Variants in NLGN1 observed in about 807,000 individuals in gnomAD.
NLGN1 encodes the protein neuroligin-1.
A neutral mutation model predicts 65.5 loss-of-function variants in NLGN1; 12 were observed. The observed-to-expected ratio is 0.18, with a 90% CI of 0.12 to 0.30. The LOEUF is 0.30. Among genes scored for constraint, NLGN1 ranks in the 10% least tolerant of loss-of-function variants. NLGN1 has a pLI of 1.00. For missense variants in NLGN1, 750 were observed against 1,007.1 expected, an observed-to-expected ratio of 0.74 and a Z score of 3.46; for synonymous variants, 350 against 359.5, an observed-to-expected ratio of 0.97 and a Z score of 0.30.
intron 4 of NLGN1, among the ~76,000 whole-genome samples, chr3:174,011,336 G>A (rs1174063908): frequency 6.6e-6 from 1 of 152,026 alleles, no homozygotes; most frequent in Non-Finnish European, 1.5e-5. Context: ...ATTTTATAAT[G>A]TGCCTTCACT....
chr3:173,808,530 G>A (rs1403845547), intron 4 of NLGN1, among the ~76,000 whole-genome samples: 1 of 152,074 alleles, frequency 6.6e-6, no homozygotes, highest in Non-Finnish European at 1.5e-5. Flanking sequence ...ACAATAACCA[G>A]TTTTTAAAAG....
chr3:174,029,041 T>C (rs291942), intron 4 of NLGN1, among the ~76,000 whole-genome samples: 146,158 of 152,312 alleles, frequency 0.96, 70,177 homozygotes, highest in East Asian at 1. Context: ...CATGGAGAAC[T>C]TCTGCTAAGG....
intron 1 of NLGN1, among the ~76,000 whole-genome samples, chr3:173,407,756 A>C (rs2148633978): frequency 6.6e-6 from 1 of 152,334 alleles, no homozygotes; most frequent in South Asian, 2.1e-4. Context: ...CACATACAAC[A>C]CATTGAGAAA....
chr3:173,824,021 G>A (rs79348069), intron 4 of NLGN1, among the ~76,000 whole-genome samples: 4,810 of 152,022 alleles, frequency 0.032, 99 homozygotes, highest in Non-Finnish European at 0.051. Flanking sequence ...GTTTGGAAGA[G>A]TGTTTCTAAG....
intron 4 of NLGN1, among the ~76,000 whole-genome samples, chr3:173,829,380 T>G (rs1722008529): frequency 6.6e-6 from 1 of 152,148 alleles, no homozygotes; most frequent in African/African-American, 2.4e-5. Flanking sequence ...TATGCATGAC[T>G]TTCAGATTTG....
At chr3:173,844,391 T>A (rs1361045406) in intron 4 of NLGN1, among the ~76,000 whole-genome samples, 1 of 152,178 alleles carries the variant, frequency 6.6e-6, no homozygotes, top group East Asian at 1.9e-4. Context: ...TGGTAGAATG[T>A]GTGGGTTTGT....
chr3:173,748,498 T>C (rs1404491967), intron 3 of NLGN1, among the ~76,000 whole-genome samples: 2 of 152,066 alleles, frequency 1.3e-5, no homozygotes, highest in Non-Finnish European at 1.5e-5. Flanking sequence ...GATTTTAAAA[T>C]CTCTGTATAA....
At chr3:174,077,106 A>C (rs1248392008) in intron 4 of NLGN1, among the ~76,000 whole-genome samples, 1 of 152,148 alleles carries the variant, frequency 6.6e-6, no homozygotes, top group South Asian at 2.1e-4. Context: ...TATGTATCTT[A>C]CATGCATATT....
intron 3 of NLGN1, among the ~76,000 whole-genome samples, chr3:173,698,042 AAAAAAC>A (rs1327489757): frequency 6.6e-6 from 1 of 152,106 alleles, no homozygotes; most frequent in African/African-American, 2.4e-5. Flanking sequence ...TGAAAAAAAA[AAAAAAC>A]AAACTTATTT....
intron 3 of NLGN1, among the ~76,000 whole-genome samples, chr3:173,619,641 T>C (rs1361702466): frequency 6.6e-6 from 1 of 152,140 alleles, no homozygotes; most frequent in Non-Finnish European, 1.5e-5. Flanking sequence ...TAAGGAGAAA[T>C]ATGAGGCACA....
At chr3:173,590,564 C>T (rs1443141396) in intron 2 of NLGN1, among the ~76,000 whole-genome samples, 1 of 152,006 alleles carries the variant, frequency 6.6e-6, no homozygotes, top group Non-Finnish European at 1.5e-5. Flanking sequence ...GAGAACAGTA[C>T]CTGGTACATA....
intron 3 of NLGN1, among the ~76,000 whole-genome samples, chr3:173,768,324 T>G (rs1484386910): frequency 6.6e-6 from 1 of 152,158 alleles, no homozygotes; most frequent in East Asian, 1.9e-4. Flanking sequence ...GACTTACTCC[T>G]CAGTTGTCAG....
intron 4 of NLGN1, among the ~76,000 whole-genome samples, chr3:173,929,160 A>G (rs4894637): frequency 0.27 from 40,502 of 152,012 alleles, 5,982 homozygotes; most frequent in African/African-American, 0.38. Flanking sequence ...TGTTCAATAT[A>G]CAAAACTTAC....
intron 4 of NLGN1, among the ~76,000 whole-genome samples, chr3:174,124,734 A>T (rs1218202460): frequency 6.6e-6 from 1 of 150,538 alleles, no homozygotes; most frequent in East Asian, 1.9e-4. Flanking sequence ...ATATGTGTAT[A>T]TACATATATT....
At chr3:174,123,623 C>T (rs1362100987) in intron 4 of NLGN1, among the ~76,000 whole-genome samples, 3 of 152,132 alleles carry the variant, frequency 2.0e-5, no homozygotes, top group Admixed American at 6.6e-5. Context: ...CATATATTCC[C>T]GCTTCCATTA....
At chr3:173,475,141 T>A (rs1269320921) in intron 2 of NLGN1, among the ~76,000 whole-genome samples, 7 of 152,188 alleles carry the variant, frequency 4.6e-5, no homozygotes, top group South Asian at 2.1e-4. Context: ...AGAAGTGTCT[T>A]ACTAATTAAT....
chr3:174,055,383 A>G (rs1054655615), intron 4 of NLGN1, among the ~76,000 whole-genome samples: 1 of 151,906 alleles, frequency 6.6e-6, no homozygotes, highest in Non-Finnish European at 1.5e-5. Context: ...CAGGCATAGG[A>G]AGGAACAACA....
At chr3:174,254,235 C>A (rs904297667) in intron 4 of NLGN1, among the ~76,000 whole-genome samples, 1 of 151,692 alleles carries the variant, frequency 6.6e-6, no homozygotes, top group East Asian at 1.9e-4. Context: ...ACCATATGGC[C>A]CTAATATAGG....
At chr3:173,496,736 A>G (rs1730087565) in intron 2 of NLGN1, among the ~76,000 whole-genome samples, 1 of 151,920 alleles carries the variant, frequency 6.6e-6, no homozygotes, top group Non-Finnish European at 1.5e-5. Flanking sequence ...GGATTTACCT[A>G]ATTAATATTA....
Sources: gnomAD v4.1 joint callset for allele counts (sites outside exome capture counted in the v4.1 genomes callset) on GRCh38, gnomAD v4.1.1 for gene constraint, MANE v1.5 for transcripts, NCBI Gene and HGNC (gene_info 2026-07-23, HGNC 2026-07-21) for gene names.